EPHA6: variants seen among roughly 807,000 people sequenced by gnomAD.
EPHA6 encodes the protein ephrin type-A receptor 6.
Under a neutral mutation model 112.0 loss-of-function variants are expected in EPHA6, and 50 were observed. The ratio of observed to expected loss-of-function variants is 0.45; its 90% CI spans 0.36 to 0.56. The LOEUF is 0.56. EPHA6 is among the 20% of genes least tolerant of loss of function. The pLI is 0.00. For missense variants in EPHA6, 1,280 were observed against 1,417.4 expected, an observed-to-expected ratio of 0.90 and a Z score of 1.56; for synonymous variants, 529 against 490.7, an observed-to-expected ratio of 1.08 and a Z score of -1.03.
At chr3:97,617,935 T>A (rs2093780182) in intron 13 of EPHA6, among the ~76,000 whole-genome samples, 1 of 152,164 alleles carries the variant, frequency 6.6e-6, no homozygotes, top group Non-Finnish European at 1.5e-5. Flanking sequence ...ATGGACTTGA[T>A]AGATATCTAA....
At chr3:97,114,191 T>C (rs1390664279) in intron 3 of EPHA6, among the ~76,000 whole-genome samples, 1 of 152,160 alleles carries the variant, frequency 6.6e-6, no homozygotes, top group African/African-American at 2.4e-5. Context: ...CCGTTTTAAA[T>C]GCTAACCACA....
chr3:97,155,017 A>AT (rs1238863644), intron 3 of EPHA6, among the ~76,000 whole-genome samples: 17 of 152,240 alleles, frequency 1.1e-4, no homozygotes, highest in Middle Eastern at 6.8e-3. Flanking sequence ...TTTTCTATAC[A>AT]TTTTCTAGGG....
chr3:97,619,272 C>T lies in EPHA6; in HGVS notation c.2574+8418C>T, dbSNP rs577122151. Among the ~76,000 whole-genome samples, 6 of 151,916 alleles carry T rather than the reference C, an allele frequency of 3.9e-5. No individual in the cohort carries two copies. The East Asian group carries it at 7.7e-4, about 20-fold the overall frequency. On this transcript the variant is annotated intron_variant, in intron 13 of 17. Transcript: ENST00000389672. ...ATTGAAGGAATATGCCTCAAAATAA[C>T]AAGAGCCATTTATGACAAACTGACA... is the stretch of plus-strand genomic sequence containing the variant.
intron 14 of EPHA6, among the ~76,000 whole-genome samples, chr3:97,685,986 A>G (rs992108761): frequency 1.3e-5 from 2 of 152,188 alleles, no homozygotes; most frequent in Non-Finnish European, 2.9e-5. Flanking sequence ...ATGGCATTAC[A>G]CTAAGCATTA....
chr3:97,676,366 G>A (rs1393727223), intron 14 of EPHA6, among the ~76,000 whole-genome samples: 1 of 152,128 alleles, frequency 6.6e-6, no homozygotes, highest in Non-Finnish European at 1.5e-5. Flanking sequence ...GAGGAAGATG[G>A]GGACTGAGAA....
chr3:97,169,631 C>T (rs150063535), intron 3 of EPHA6, among the ~76,000 whole-genome samples: 1 of 152,214 alleles, frequency 6.6e-6, no homozygotes, highest in Admixed American at 6.5e-5. Flanking sequence ...GAATTATTGT[C>T]AAACTAATAT....
intron 15 of EPHA6, among the ~76,000 whole-genome samples, chr3:97,734,932 G>GATC (rs1343352091): frequency 1.3e-5 from 2 of 151,858 alleles, no homozygotes; most frequent in African/African-American, 4.8e-5. Context: ...TAGGAAGGTG[G>GATC]ATCATACACT....
At chr3:97,234,941 C>G (rs184132072) in intron 4 of EPHA6, among the ~76,000 whole-genome samples, 11 of 152,152 alleles carry the variant, frequency 7.2e-5, no homozygotes, top group Admixed American at 7.2e-4. Context: ...TTATAGCATA[C>G]TCCCCTTGAT....
chr3:97,389,677 G>T (rs1052012918), intron 5 of EPHA6, among the ~76,000 whole-genome samples: 4 of 152,040 alleles, frequency 2.6e-5, no homozygotes, highest in Non-Finnish European at 5.9e-5. Flanking sequence ...AGATTATATA[G>T]CACAACATGT....
At chr3:97,547,066 A>G (rs1435065120) in intron 11 of EPHA6, among the ~76,000 whole-genome samples, 1 of 152,132 alleles carries the variant, frequency 6.6e-6, no homozygotes, top group African/African-American at 2.4e-5. Context: ...CTGTCAGCTC[A>G]TCAAAGTCAT....
At chr3:97,256,327 G>A (rs985513336) in intron 5 of EPHA6, among the ~76,000 whole-genome samples, 2 of 151,852 alleles carry the variant, frequency 1.3e-5, no homozygotes, top group Non-Finnish European at 2.9e-5. Flanking sequence ...ACCAATTATG[G>A]TTCATCAAGG....
intron 11 of EPHA6, among the ~76,000 whole-genome samples, chr3:97,546,880 G>A (rs1036417076): frequency 1.1e-4 from 17 of 152,098 alleles, no homozygotes; most frequent in Admixed American, 4.6e-4. Flanking sequence ...ATCTGCATTC[G>A]TCACGTAGCT....
chr3:97,134,809 A>G (rs1365403970), intron 3 of EPHA6, among the ~76,000 whole-genome samples: 1 of 152,134 alleles, frequency 6.6e-6, no homozygotes, highest in Non-Finnish European at 1.5e-5. Flanking sequence ...CATGGAACAA[A>G]TTATTATGGC....
intron 5 of EPHA6, among the ~76,000 whole-genome samples, chr3:97,354,680 A>G (rs554598248): frequency 2.0e-4 from 31 of 152,318 alleles, no homozygotes; most frequent in Admixed American, 7.2e-4. Context: ...AGATCGGGGT[A>G]GAAAGTTTAT....
chr3:97,292,696 G>A (rs563331366), intron 5 of EPHA6, among the ~76,000 whole-genome samples: 1 of 152,206 alleles, frequency 6.6e-6, no homozygotes, highest in East Asian at 1.9e-4. Context: ...GCTCTCAGGG[G>A]AGAGGAGACC....
chr3:97,156,502 GTAGATTGTT>G lies in EPHA6; in HGVS notation c.1115-69758_1115-69750del, dbSNP rs1472158213. Among the ~76,000 whole-genome samples the G allele has an allele frequency of 2.0e-5, 3 of 152,148 alleles. No homozygotes were observed. In the East Asian group the frequency reaches 5.8e-4, roughly 29 times the overall value. On this transcript the variant is annotated intron_variant, in intron 3 of 17. Coordinates refer to ENST00000389672, the MANE Select transcript of EPHA6 (RefSeq NM_001080448.3). ...AAAACAACCCTGATTAGATTGGTCA[GTAGATTGTT>G]TAGTGCAGAATATCAGAGATACAAT... is the stretch of plus-strand genomic sequence containing the variant.
chr3:97,706,266 C>A (rs1420579336), intron 14 of EPHA6, among the ~76,000 whole-genome samples: 3 of 152,002 alleles, frequency 2.0e-5, no homozygotes, highest in Non-Finnish European at 4.4e-5. Context: ...GGAAAAAAAA[C>A]ACTCATTTAC....
intron 7 of EPHA6, among the ~76,000 whole-genome samples, chr3:97,460,848 A>C (rs1057110186): frequency 6.6e-6 from 1 of 151,980 alleles, no homozygotes; most frequent in Non-Finnish European, 1.5e-5. Flanking sequence ...GGCTTCCTGT[A>C]CTCCCACATG....
At chr3:97,313,669 T>C (rs1304042751) in intron 5 of EPHA6, among the ~76,000 whole-genome samples, 2 of 151,632 alleles carry the variant, frequency 1.3e-5, no homozygotes, top group African/African-American at 4.8e-5. Context: ...TCTTGGACAT[T>C]TGTATGTCTT....
Sources: gnomAD v4.1 joint callset for allele counts (sites outside exome capture counted in the v4.1 genomes callset) on GRCh38, gnomAD v4.1.1 for gene constraint, MANE v1.5 for transcripts, NCBI Gene and HGNC (gene_info 2026-07-23, HGNC 2026-07-21) for gene names.